Variants in AGK observed in about 807,000 individuals in gnomAD.
AGK encodes the protein acylglycerol kinase.
A neutral mutation model predicts 66.4 loss-of-function variants in AGK; 52 were observed. That is an observed-to-expected ratio of 0.78 (90% confidence interval 0.63 to 0.99). AGK has a LOEUF of 0.99. Ranked by LOEUF, AGK falls within the 50% of genes least tolerant of loss-of-function variation. The pLI is 0.00. For missense variants in AGK, 451 were observed against 506.6 expected (o/e 0.89, Z 1.05); for synonymous variants, 182 against 181.1 (o/e 1.00, Z -0.04).
At chr7:141,569,799 C>T (rs927290163) in intron 2 of AGK, among the ~76,000 whole-genome samples, 1 of 152,120 alleles carries the variant, frequency 6.6e-6, no homozygotes, top group African/African-American at 2.4e-5. Flanking sequence ...CTGATCCTAA[C>T]CTCTCAAAAT....
At chr7:141,565,512 G>A (rs1025760363) in intron 2 of AGK, among the ~76,000 whole-genome samples, 2 of 152,090 alleles carry the variant, frequency 1.3e-5, no homozygotes, top group African/African-American at 2.4e-5. Context: ...TTAGCTGGGT[G>A]TGGTGGCGCA....
chr7:141,560,275 T>C (rs2116854165), intron 2 of AGK, among the ~76,000 whole-genome samples: 1 of 151,878 alleles, frequency 6.6e-6, no homozygotes, highest in African/African-American at 2.4e-5. Context: ...TCCCTCCGTT[T>C]TTTTTTTTGC....
chr7:141,583,124 T>C (rs1018442267), intron 2 of AGK, among the ~76,000 whole-genome samples: 3 of 151,898 alleles, frequency 2.0e-5, no homozygotes, highest in African/African-American at 7.3e-5. Flanking sequence ...ATGGAGAAAT[T>C]GAAAGTGCCG....
intron 5 of AGK, among the ~76,000 whole-genome samples, chr7:141,605,279 A>T (rs1796432888): frequency 6.6e-6 from 1 of 152,148 alleles, no homozygotes; most frequent in Admixed American, 6.5e-5. Flanking sequence ...TGCCCTGGGA[A>T]TCGTCGAGGA....
At chr7:141,559,434 G>T (rs1042614083) in intron 2 of AGK, among the ~76,000 whole-genome samples, 1 of 152,036 alleles carries the variant, frequency 6.6e-6, no homozygotes, top group Non-Finnish European at 1.5e-5. Context: ...TATAGATGAG[G>T]ATTTATTTCT....
chr7:141,593,597 A>G, intron 3 of AGK: 1 of 551,402 alleles, frequency 1.8e-6, no homozygotes, highest in Non-Finnish European at 3.2e-6. Flanking sequence ...GTTGATTCAT[A>G]TTTTTAAAGC....
rs752545115 is a variant in AGK, at chr7:141,614,133, A to G, written c.391-13A>G. 9 of 1,512,166 alleles carry G rather than the reference A, an allele frequency of 6.0e-6. No individual in the cohort carries two copies. Among genetic ancestry groups the G allele is most frequent in the Non-Finnish European group, 8.2e-6 (9 of 1,103,436 alleles). 93.7% of individuals were successfully genotyped at this position (1,512,166 alleles called of 1,614,324 possible). On this transcript the variant is annotated splice_polypyrimidine_tract_variant and intron_variant, in intron 6 of 15. Transcript: ENST00000649286. The stretch of plus-strand genomic sequence containing the variant: ...ATATTATTTATAACAATGTTTTATT[A>G]TTACATTTGTAGGTTGTTACTGGTG...
chr7:141,619,246 T>C (rs912050674), intron 8 of AGK, among the ~76,000 whole-genome samples: 2 of 152,104 alleles, frequency 1.3e-5, no homozygotes, highest in Non-Finnish European at 2.9e-5. Flanking sequence ...CAAAATAATT[T>C]TGAAAAAGAA....
chr7:141,605,320 C>G (rs1026640310), intron 5 of AGK, among the ~76,000 whole-genome samples: 2 of 152,120 alleles, frequency 1.3e-5, no homozygotes, highest in Admixed American at 6.6e-5. Flanking sequence ...CTTTTATTCT[C>G]TCTAAACTGC....
At chr7:141,602,517 C>T (rs985016311) in intron 5 of AGK, among the ~76,000 whole-genome samples, 1 of 151,970 alleles carries the variant, frequency 6.6e-6, no homozygotes, top group Non-Finnish European at 1.5e-5. Flanking sequence ...TTTTAAATTT[C>T]TATAGCATAT....
intron 14 of AGK, among the ~76,000 whole-genome samples, chr7:141,651,152 G>A (rs1390401081): frequency 6.6e-6 from 1 of 152,130 alleles, no homozygotes; most frequent in Non-Finnish European, 1.5e-5. Flanking sequence ...GTAATCACAA[G>A]AAGTACCAAA....
chr7:141,589,803 G>A lies in AGK; in HGVS notation c.102-3343G>A, dbSNP rs180793793. Among the ~76,000 whole-genome samples, 142 of 152,180 alleles carry A rather than the reference G, an allele frequency of 9.3e-4. 2 individuals carry two copies. The East Asian group carries it at 0.013, about 14-fold the overall frequency. ...TCGAACTCCCGACCTCAGGTGATCC[G>A]CCCATCTCGGCATCCCAAAGTGCTG... On this transcript the variant is annotated intron_variant, in intron 2 of 15. Transcript: ENST00000649286.
chr7:141,558,827 G>A (rs1795275273), intron 2 of AGK, among the ~76,000 whole-genome samples: 1 of 152,158 alleles, frequency 6.6e-6, no homozygotes, highest in East Asian at 1.9e-4. Context: ...ATCCTTATGA[G>A]TGTGAGGTGA....
chr7:141,592,039 G>A (rs1215157432), intron 2 of AGK, among the ~76,000 whole-genome samples: 2 of 152,228 alleles, frequency 1.3e-5, no homozygotes, highest in African/African-American at 2.4e-5. Flanking sequence ...AGATAAGACA[G>A]TAGCAGAAGA....
intron 13 of AGK, among the ~76,000 whole-genome samples, chr7:141,648,581 A>G (rs958356848): frequency 3.9e-5 from 6 of 152,216 alleles, no homozygotes; most frequent in African/African-American, 1.4e-4. Flanking sequence ...TGAAGCTGAC[A>G]TAGAAGTTGT....
At chr7:141,604,632 G>T (rs1389103924) in intron 5 of AGK, among the ~76,000 whole-genome samples, 1 of 138,726 alleles carries the variant, frequency 7.2e-6, no homozygotes. Flanking sequence ...TCACCAGGCT[G>T]GAGTGCAGTG....
Position 141,611,255 on chromosome 7 carries a change from A to G in AGK, c.358A>G (p.Ile120Val), listed in dbSNP as rs747745244. ...LELMENTDVIIVAGGDGTLQE... is the reference protein window; with the variant it reads ...LELMENTDVIVVAGGDGTLQE... Reference sequence around the variant, plus strand: ...ACTGATGGAAAACACGGATGTGATCATTGTTGCAGGAGGAGATGGGACACT... The same window carrying G: ...ACTGATGGAAAACACGGATGTGATCGTTGTTGCAGGAGGAGATGGGACACT... Residue 120 changes from isoleucine (I) to valine (V), a missense_variant, in exon 6 of 16, where the codon ATT becomes GTT. Physicochemically the swap from Ile to Val is conservative, Grantham distance 29. Coordinates refer to ENST00000649286, the MANE Select transcript of AGK (RefSeq NM_018238.4). The G allele has an allele frequency of 3.5e-5, 57 of 1,613,448 alleles. No individual in the cohort carries two copies. The highest frequency in any genetic ancestry group is 4.6e-5 in the Non-Finnish European group (54 of 1,179,668).
At chr7:141,592,701 TTTTTTTG>T (rs906099573) in intron 2 of AGK, among the ~76,000 whole-genome samples, 6 of 151,556 alleles carry the variant, frequency 4.0e-5, no homozygotes, top group African/African-American at 1.5e-4. Flanking sequence ...GTTTTTTTTG[TTTTTTTG>T]TTTTTTGTTT....
intron 9 of AGK, among the ~76,000 whole-genome samples, chr7:141,631,409 G>C (rs115086973): frequency 0.014 from 2,085 of 152,250 alleles, 63 homozygotes; most frequent in African/African-American, 0.046. Flanking sequence ...CCATTTTATA[G>C]ATCTGTAGTG....
Sources: gnomAD v4.1 joint callset for allele counts (sites outside exome capture counted in the v4.1 genomes callset) on GRCh38, gnomAD v4.1.1 for gene constraint, MANE v1.5 for transcripts, NCBI Gene and HGNC (gene_info 2026-07-23, HGNC 2026-07-21) for gene names.